Variants in DGKH observed in about 807,000 individuals in gnomAD.
DGKH encodes diacylglycerol kinase eta, also known as DAG kinase eta.
DGKH carries 90 observed loss-of-function variants against 159.3 expected under a neutral mutation model. That is an observed-to-expected ratio of 0.57 (90% confidence interval 0.48 to 0.67). The LOEUF is 0.67. DGKH is among the 30% of genes least tolerant of loss of function. The probability of loss-of-function intolerance (pLI) is 0.00; values close to 1 mark genes in which losing one functional copy is unlikely to be tolerated. For synonymous variants in DGKH, 536 were observed against 553.8 expected (o/e 0.97, Z 0.45); for missense variants, 1,181 against 1,506.1 (o/e 0.78, Z 3.57).
chr13:42,072,519 A>G (rs1883039326), intron 1 of DGKH, among the ~76,000 whole-genome samples: 1 of 152,210 alleles, frequency 6.6e-6, no homozygotes. Context: ...AGCATCTAAA[A>G]CAAACTTGAA....
At chr13:42,049,232 A>G (rs1295822742) in intron 1 of DGKH, among the ~76,000 whole-genome samples, 1 of 150,508 alleles carries the variant, frequency 6.6e-6, no homozygotes, top group East Asian at 2.0e-4. Flanking sequence ...GTGCTGCGGG[A>G]CGGATTCCCG....
chr13:42,184,905 C>T lies in DGKH; in HGVS notation c.1539-2144C>T, dbSNP rs1051873737. ...TTTTTTTTTAAAAAAAAAGTTCTAA[C>T]ATTGATTAAAGATATAATTAGGAAT... On this transcript the variant is annotated intron_variant, in intron 13 of 29. Transcript: ENST00000337343. Among the ~76,000 whole-genome samples the T allele has an allele frequency of 1.0e-4, 15 of 150,752 alleles. 1 individual carries two copies. Among genetic ancestry groups the T allele is most frequent in the African/African-American group, 3.7e-4 (15 of 40,976 alleles).
At chr13:42,044,777 C>G (rs1223691164), upstream of DGKH, among the ~76,000 whole-genome samples, 1 of 152,098 alleles carries the variant, frequency 6.6e-6, no homozygotes, top group Non-Finnish European at 1.5e-5. Flanking sequence ...TTCTTTAATG[C>G]TAGCTTTGAA....
intron 29 of DGKH, among the ~76,000 whole-genome samples, chr13:42,248,532 T>C (rs1161311402): frequency 6.8e-6 from 1 of 147,228 alleles, no homozygotes; most frequent in Non-Finnish European, 1.5e-5. Context: ...TGCAATTATT[T>C]AATAATTATT....
chr13:42,248,985 T>C (rs1033638252), intron 29 of DGKH, among the ~76,000 whole-genome samples: 1 of 152,356 alleles, frequency 6.6e-6, no homozygotes, highest in South Asian at 2.1e-4. Flanking sequence ...ACATGATATA[T>C]AAGCAGATAT....
chr13:42,056,774 A>G (rs6561029), intron 1 of DGKH, among the ~76,000 whole-genome samples: 85,816 of 151,926 alleles, frequency 0.56, 25,739 homozygotes, highest in African/African-American at 0.77. Flanking sequence ...GTGCAGGCAG[A>G]CAGGCTCCTT....
intron 1 of DGKH, among the ~76,000 whole-genome samples, chr13:42,120,891 G>C (rs182741937): frequency 4.7e-4 from 71 of 152,050 alleles, no homozygotes; most frequent in African/African-American, 1.6e-3. Context: ...TTCTGAAAAG[G>C]CATCTTGATC....
chr13:42,142,901 C>G (rs1198793943), intron 3 of DGKH, among the ~76,000 whole-genome samples: 2 of 152,144 alleles, frequency 1.3e-5, no homozygotes, highest in Admixed American at 6.5e-5. Flanking sequence ...CTTCTCCTGC[C>G]TAATTGCCCT....
intron 13 of DGKH, among the ~76,000 whole-genome samples, chr13:42,180,251 T>C (rs1001690282): frequency 5.3e-5 from 8 of 152,232 alleles, no homozygotes; most frequent in Admixed American, 5.2e-4. Flanking sequence ...TGCTAAAGCC[T>C]GGGACAAACT....
chr13:42,215,487 A>T, intron 25 of DGKH, 88 bp from the exon 26 acceptor site: 1 of 1,038,506 alleles, frequency 9.6e-7, no homozygotes, highest in South Asian at 2.2e-5. Context: ...CTGTGAATTT[A>T]AATTATAAGA....
chr13:42,205,944 T>C (rs545155522), intron 20 of DGKH, 95 bp from the exon 21 acceptor site: 85 of 606,472 alleles, frequency 1.4e-4, no homozygotes, highest in Admixed American at 2.3e-4. Context: ...CTGTGCTCCA[T>C]TGTCCTTCAT....
chr13:42,105,039 G>A (rs1954721249), intron 1 of DGKH, among the ~76,000 whole-genome samples: 1 of 152,124 alleles, frequency 6.6e-6, no homozygotes, highest in South Asian at 2.1e-4. Flanking sequence ...ATGTATGTAT[G>A]TATGTATGTG....
At chr13:42,243,272 A>T (rs1457789351), downstream of DGKH, among the ~76,000 whole-genome samples, 1 of 152,008 alleles carries the variant, frequency 6.6e-6, no homozygotes, top group Non-Finnish European at 1.5e-5. Flanking sequence ...ACAGTATGCG[A>T]TTTTTTTTCA....
chr13:42,172,420 T>C (rs950265934), intron 11 of DGKH, among the ~76,000 whole-genome samples: 12 of 152,328 alleles, frequency 7.9e-5, no homozygotes, highest in Admixed American at 2.6e-4. Context: ...AAGAGTTGAA[T>C]AGTAGCTAAA....
chr13:42,162,695 T>G (rs909472256), intron 7 of DGKH, among the ~76,000 whole-genome samples: 1 of 151,776 alleles, frequency 6.6e-6, no homozygotes, highest in Non-Finnish European at 1.5e-5. Context: ...TCCCAGCCAC[T>G]TGGGAGGCTG....
At chr13:42,144,394 G>T (rs1469708782) in intron 3 of DGKH, among the ~76,000 whole-genome samples, 2 of 152,044 alleles carry the variant, frequency 1.3e-5, no homozygotes, top group Non-Finnish European at 2.9e-5. Context: ...GTGAAGGTAA[G>T]GGGTTCAGTG....
At chr13:42,109,822 C>T (rs901134494) in intron 1 of DGKH, among the ~76,000 whole-genome samples, 2 of 152,124 alleles carry the variant, frequency 1.3e-5, no homozygotes, top group Admixed American at 1.3e-4. Context: ...TTTCTGTGAA[C>T]AGTTATTAAT....
chr13:42,160,104 C>T lies in DGKH; in HGVS notation c.823C>T (p.Gln275Ter), dbSNP rs1423141733. The change falls in exon 7 of 30, where the codon CAG becomes TAG. Residue 275 changes from glutamine to a stop codon, truncating the protein, a stop_gained. Coordinates refer to ENST00000337343, the MANE Select transcript of DGKH (RefSeq NM_178009.5). LOFTEE classifies it high-confidence loss of function. ...AACATGTGGCAGTGTTCTCCGTCTA[C>T]AGGATTGGAAATGCCTTTGGTGTAA... ...DKTCGSVLRL[Q>*]DWKCLWCKTM... is the part of the protein sequence containing the mutation. 6.2e-7 allele frequency: 1 copy of T among 1,614,138 alleles called. No individual in the cohort carries two copies. Among genetic ancestry groups the T allele is most frequent in the Non-Finnish European group, 8.5e-7 (1 of 1,180,060 alleles).
Position 42,219,365 on chromosome 13 carries a change from C to A in DGKH, c.3333+16C>A. 2 of 1,612,196 alleles carry A rather than the reference C, an allele frequency of 1.2e-6. No homozygotes were observed. The highest frequency in any genetic ancestry group is 1.7e-6 in the Non-Finnish European group (2 of 1,179,320). ...TGAGGATGAGGTATGTAAAATTCAG[C>A]CTGTTTCTCTAGAAATGTAGACCAT... On this transcript the variant is annotated intron_variant, in intron 27 of 29. Coordinates refer to ENST00000337343, the MANE Select transcript of DGKH (RefSeq NM_178009.5).
Sources: gnomAD v4.1 joint callset for allele counts (sites outside exome capture counted in the v4.1 genomes callset) on GRCh38, gnomAD v4.1.1 for gene constraint, MANE v1.5 for transcripts, NCBI Gene and HGNC (gene_info 2026-07-23, HGNC 2026-07-21) for gene names.